Variants in MAD1L1 observed in about 807,000 individuals in gnomAD.
MAD1L1 encodes mitotic arrest deficient 1 like 1.
In MAD1L1, 95 loss-of-function variants were observed where a neutral mutation model predicts 96.9. The ratio of observed to expected loss-of-function variants is 0.98; its 90% CI spans 0.83 to 1.16. The LOEUF is 1.16. MAD1L1 is among the 50% of genes most tolerant of loss of function. The pLI, the probability that MAD1L1 is intolerant of heterozygous loss-of-function variation, is 0.00. For missense variants in MAD1L1, 1,007 were observed against 954.4 expected (o/e 1.06, Z -0.73); for synonymous variants, 473 against 396.6 (o/e 1.19, Z -2.29).
chr7:1,904,433 A>T (rs1316781749), intron 17 of MAD1L1, among the ~76,000 whole-genome samples: 1 of 93,376 alleles, frequency 1.1e-5, no homozygotes, highest in African/African-American at 5.0e-5. Context: ...GTGGCCTATG[A>T]AAGATGCTCT....
chr7:1,869,651 G>A (rs529529238), intron 18 of MAD1L1, among the ~76,000 whole-genome samples: 28 of 152,302 alleles, frequency 1.8e-4, no homozygotes, highest in African/African-American at 6.0e-4. Context: ...CTGCCGAAGG[G>A]TAATTTAATT....
chr7:1,909,217 C>T lies in MAD1L1; in HGVS notation c.1808-10827G>A, dbSNP rs546887165. ...ACGACCAAGGATCCCCTGCACGCTG[C>T]GGACACAGGAAGCCAGTGGAGGCCC... On this transcript the variant is annotated intron_variant, in intron 17 of 18. Coordinates refer to ENST00000265854, the MANE Select transcript of MAD1L1 (RefSeq NM_001013836.2). Among the ~76,000 whole-genome samples the T allele has an allele frequency of 1.8e-3, 274 of 152,268 alleles. 1 individual carries two copies. Among genetic ancestry groups the T allele is most frequent in the Non-Finnish European group, 2.5e-3 (171 of 68,008 alleles).
At chr7:2,210,365 G>A (rs552185002) in intron 10 of MAD1L1, among the ~76,000 whole-genome samples, 141 of 152,262 alleles carry the variant, frequency 9.3e-4, no homozygotes, top group African/African-American at 3.0e-3. Context: ...GCCACTGTGC[G>A]CAGCCAGAAA....
At position 1,905,085 on chromosome 7, in the gene MAD1L1, G is replaced by A. The variant is rs1365082112; in HGVS notation, c.1808-6695C>T. Among the ~76,000 whole-genome samples, 64 of 77,154 alleles carry A rather than the reference G, an allele frequency of 8.3e-4. 2 individuals carry two copies. The highest frequency in any genetic ancestry group is 2.0e-3 in the African/African-American group (39 of 19,888). 50.6% of individuals were successfully genotyped at this position (77,154 alleles called of 152,430 possible). A position where few individuals can be genotyped will look rare whatever the true frequency, so the allele number is the denominator to read the frequency against. On this transcript the variant is annotated intron_variant, in intron 17 of 18. Transcript: ENST00000265854. Reference sequence around the variant, plus strand: ...CGTTCTTGTGGAACTCATGATTGATGAAGCACTGTTCCAGGCAGCGAGGAC... The same window carrying A: ...CGTTCTTGTGGAACTCATGATTGATAAAGCACTGTTCCAGGCAGCGAGGAC...
At chr7:1,933,235 C>G in intron 17 of MAD1L1, among the ~76,000 whole-genome samples, 1 of 152,210 alleles carries the variant, frequency 6.6e-6, no homozygotes, top group Non-Finnish European at 1.5e-5. Flanking sequence ...CCCAGGGATA[C>G]TCCGGGTAGG....
At chr7:2,228,407 C>A (rs1006904084) in intron 3 of MAD1L1, among the ~76,000 whole-genome samples, 1 of 151,566 alleles carries the variant, frequency 6.6e-6, no homozygotes, top group African/African-American at 2.4e-5. Flanking sequence ...TACAGGTGCC[C>A]ACACCCGCCT....
intron 14 of MAD1L1, among the ~76,000 whole-genome samples, chr7:2,000,422 C>G (rs2128492091): frequency 6.6e-6 from 1 of 152,274 alleles, no homozygotes; most frequent in African/African-American, 2.4e-5. Context: ...ACCCATGAAA[C>G]CACAGCCCTG....
At chr7:2,130,969 A>G (rs1242215648) in intron 11 of MAD1L1, among the ~76,000 whole-genome samples, 1 of 152,234 alleles carries the variant, frequency 6.6e-6, no homozygotes, top group Non-Finnish European at 1.5e-5. Flanking sequence ...ACTTGTCTAC[A>G]TGAATGATCC....
At chr7:1,894,100 G>A (rs1202423222) in intron 18 of MAD1L1, among the ~76,000 whole-genome samples, 5 of 152,236 alleles carry the variant, frequency 3.3e-5, no homozygotes, top group African/African-American at 1.2e-4. Context: ...TGCCTCTCCT[G>A]TCACCAAGCT....
In MAD1L1 at chr7:2,190,779, A is replaced by G. The variant is rs530773970; in HGVS notation, c.986+22433T>C. ...ACCGCACACACCCACCAGGATGGCTAAAGTGAAGGTGGCCAATGAATGCAT... is the reference window on the plus strand; with the variant it reads ...ACCGCACACACCCACCAGGATGGCTGAAGTGAAGGTGGCCAATGAATGCAT... On this transcript the variant is annotated intron_variant, in intron 10 of 18. Transcript: ENST00000265854. Among the ~76,000 whole-genome samples, 9 of 152,350 alleles carry G rather than the reference A, an allele frequency of 5.9e-5. No homozygotes were observed. The South Asian group carries it at 1.9e-3, about 32-fold the overall frequency.
intron 16 of MAD1L1, among the ~76,000 whole-genome samples, chr7:1,953,450 C>T (rs1336106982): frequency 6.6e-6 from 1 of 152,184 alleles, no homozygotes; most frequent in African/African-American, 2.4e-5. Flanking sequence ...GGGGGCTCCA[C>T]CAGCCCTGAC....
At chr7:2,129,753 G>C (rs1320272401) in intron 11 of MAD1L1, among the ~76,000 whole-genome samples, 1 of 152,226 alleles carries the variant, frequency 6.6e-6, no homozygotes, top group African/African-American at 2.4e-5. Context: ...GTCAGAGACA[G>C]TCCAAGGAGT....
chr7:1,939,448 C>A (rs1349366878), intron 16 of MAD1L1, among the ~76,000 whole-genome samples: 1 of 152,100 alleles, frequency 6.6e-6, no homozygotes, highest in Non-Finnish European at 1.5e-5. Context: ...GGCAGTGAGA[C>A]TGGATGGGCA....
In MAD1L1 at chr7:2,103,662, GAGA is replaced by G. The variant is rs926841026; in HGVS notation, c.1074-34327_1074-34325del. On this transcript the variant is annotated intron_variant, in intron 11 of 18. Transcript: ENST00000265854. The surrounding 1 kb of genome is among the most constrained non-coding windows in gnomAD (Gnocchi z 4.3). Reference sequence around the variant, plus strand: ...AACACTGAGACTCGATCCCACAGGGGAGAAGGAGGGAGCGGCCACGAGGAGGAG... The same window carrying G: ...AACACTGAGACTCGATCCCACAGGGGAGGAGGGAGCGGCCACGAGGAGGAG... 1.3e-5 allele frequency among the ~76,000 whole-genome samples: 2 copies of G among 152,188 alleles called. No homozygotes were observed. Among genetic ancestry groups the G allele is most frequent in the African/African-American group, 4.8e-5 (2 of 41,448 alleles).
chr7:2,008,785 C>T (rs1359908974), intron 13 of MAD1L1, among the ~76,000 whole-genome samples: 2 of 113,374 alleles, frequency 1.8e-5, no homozygotes, highest in African/African-American at 5.3e-5. Context: ...GGGGAAGGAA[C>T]ACGGCTCCAT....
At chr7:2,228,046 G>A (rs1407505210) in intron 3 of MAD1L1, among the ~76,000 whole-genome samples, 5 of 152,134 alleles carry the variant, frequency 3.3e-5, no homozygotes, top group African/African-American at 1.2e-4. Flanking sequence ...CCACGACGAA[G>A]TCCAGGAATG....
chr7:1,873,796 G>C (rs560437543), intron 18 of MAD1L1, among the ~76,000 whole-genome samples: 15 of 152,128 alleles, frequency 9.9e-5, no homozygotes, highest in Non-Finnish European at 1.9e-4. Context: ...GTGGGGAGAC[G>C]TGTGTTTGGG....
intron 10 of MAD1L1, among the ~76,000 whole-genome samples, chr7:2,187,823 T>G (rs888371170): frequency 9.8e-5 from 15 of 152,348 alleles, no homozygotes; most frequent in African/African-American, 3.6e-4. Flanking sequence ...CAACAATAGT[T>G]ACTCAGGCTT....
intron 16 of MAD1L1, among the ~76,000 whole-genome samples, chr7:1,938,997 ACG>A (rs1319738196): frequency 3.0e-5 from 4 of 133,758 alleles, no homozygotes; most frequent in African/African-American, 1.1e-4. Context: ...GCGCACACAC[ACG>A]CACACACACA....
Sources: allele counts gnomAD v4.1 joint callset (sites outside exome capture counted in the v4.1 genomes callset), GRCh38; gene constraint gnomAD v4.1.1; non-coding constraint Gnocchi (gnomAD v3.1); transcripts MANE v1.5; gene names NCBI Gene and HGNC (gene_info 2026-07-23, HGNC 2026-07-21).